PAMR1: variants seen among roughly 807,000 people sequenced by gnomAD.
PAMR1 encodes the protein peptidase domain containing associated with muscle regeneration 1.
PAMR1 carries 88 observed loss-of-function variants against 81.8 expected under a neutral mutation model. That is an observed-to-expected ratio of 1.08 (90% confidence interval 0.91 to 1.28). PAMR1 has a LOEUF of 1.28. Among genes scored for constraint, PAMR1 ranks in the 50% most tolerant of loss-of-function variants. The pLI, the probability that PAMR1 is intolerant of heterozygous loss-of-function variation, is 0.00. For synonymous variants in PAMR1, 336 were observed against 345.3 expected (o/e 0.97, Z 0.30); for missense variants, 935 against 919.7 (o/e 1.02, Z -0.21).
intron 6 of PAMR1, 148 bp from the exon 7 acceptor site, chr11:35,441,841 A>G (rs1453473109): frequency 6.2e-5 from 34 of 548,870 alleles, no homozygotes; most frequent in Non-Finnish European, 1.0e-4. Context: ...TCATAATAGA[A>G]AATTCATGTA....
At chr11:35,434,860 G>T in intron 9 of PAMR1, 56 bp from the exon 10 acceptor site, 1 of 1,540,948 alleles carries the variant, frequency 6.5e-7, no homozygotes. Context: ...ATCCAAAGGA[G>T]AATGTGTCAC....
At chr11:35,461,621 A>C (rs1565336188) in intron 6 of PAMR1, among the ~76,000 whole-genome samples, 3 of 151,964 alleles carry the variant, frequency 2.0e-5, no homozygotes, top group South Asian at 2.1e-4. Context: ...AAAAAAAAAA[A>C]CACACATACA....
chr11:35,474,670 A>C lies in PAMR1; in HGVS notation c.454T>G (p.Trp152Gly). Residue 152 changes from tryptophan to glycine, a missense_variant, in exon 4 of 11, where the codon TGG becomes GGG. Coordinates refer to ENST00000619888, the MANE Select transcript of PAMR1 (RefSeq NM_001001991.3). ...ESYPLNAHCE[W>G]TIHAKPGFVI... ...AACCCAGGTTTAGCATGAATGGTCC[A>C]TTCACAGTGAGCATTTAGGGGATAG... 6.2e-7 allele frequency: 1 copy of C among 1,610,652 alleles called. No homozygotes were observed.
chr11:35,455,039 C>T (rs983482809), intron 6 of PAMR1, among the ~76,000 whole-genome samples: 4 of 152,164 alleles, frequency 2.6e-5, no homozygotes, highest in Admixed American at 1.3e-4. Flanking sequence ...AGAATGACAG[C>T]GACTGCCTTT....
In PAMR1 at chr11:35,441,508, A is replaced by G. The variant is rs1211864147; in HGVS notation, c.1006T>C (p.Ser336Pro). ...TTTATGCAGATGGGCTGTTTCCCTG[A>G]CCACTCTCCATTCTGCTGGCAAGTT... Reference protein sequence around the residue: ...KRTCQQNGEWSGKQPICIKAC... With the variant: ...KRTCQQNGEWPGKQPICIKAC... Residue 336 changes from serine to proline, a missense_variant, in exon 7 of 11, where the codon TCA (serine) becomes CCA (proline). By Grantham distance (74) the Ser-to-Pro change is moderately conservative. Coordinates refer to ENST00000619888, the MANE Select transcript of PAMR1 (RefSeq NM_001001991.3). 6.2e-7 allele frequency: 1 copy of G among 1,613,000 alleles called. No homozygotes were observed.
At chr11:35,525,015 G>T (rs1033714378) in intron 1 of PAMR1, among the ~76,000 whole-genome samples, 1 of 152,064 alleles carries the variant, frequency 6.6e-6, no homozygotes, top group Non-Finnish European at 1.5e-5. Flanking sequence ...ACTCCGAAGG[G>T]GTATGGCTGT....
At chr11:35,449,443 C>A (rs974610745) in intron 6 of PAMR1, among the ~76,000 whole-genome samples, 1 of 152,202 alleles carries the variant, frequency 6.6e-6, no homozygotes, top group South Asian at 2.1e-4. Flanking sequence ...AAGGGAGGTG[C>A]CACCCAGTGA....
Position 35,470,828 on chromosome 11 carries a change from G to T in PAMR1, c.495-10C>A. ...GCTCAACATGACAAATCTGTGGGTG[G>T]ACAGGGTGACGGAGGGAAGCAGATG... On this transcript the variant is annotated splice_polypyrimidine_tract_variant and intron_variant, in intron 4 of 10. Coordinates refer to ENST00000619888, the MANE Select transcript of PAMR1 (RefSeq NM_001001991.3). The T allele has an allele frequency of 6.2e-7, 1 of 1,605,038 alleles. No homozygotes were observed. The highest frequency in any genetic ancestry group is 8.5e-7 in the Non-Finnish European group (1 of 1,172,012).
intron 1 of PAMR1, among the ~76,000 whole-genome samples, chr11:35,495,339 GAA>G (rs57201561): frequency 0.012 from 1,559 of 133,038 alleles, 28 homozygotes; most frequent in African/African-American, 0.04. Flanking sequence ...TTTCTCATAA[GAA>G]AAAAAAAAAA....
At chr11:35,497,047 A>T (rs974405782) in intron 1 of PAMR1, among the ~76,000 whole-genome samples, 1 of 152,150 alleles carries the variant, frequency 6.6e-6, no homozygotes, top group Non-Finnish European at 1.5e-5. Context: ...CACACCTGTA[A>T]TCCCAGCTAC....
At chr11:35,482,224 G>T (rs1036511826) in intron 3 of PAMR1, among the ~76,000 whole-genome samples, 7 of 152,178 alleles carry the variant, frequency 4.6e-5, no homozygotes, top group African/African-American at 1.7e-4. Context: ...AAGATGTAAG[G>T]AAGGGGTCCA....
rs1412504904 is a variant in PAMR1 at position 35,431,857 on chromosome 11, A to G, written c.*499T>C. ...TAGTTCAGAAGCCAACCCTTATTTT[A>G]TTAAAATGTGTACAAGAGATGGGGA... On this transcript the variant is annotated 3_prime_UTR_variant, in exon 11 of 11. Transcript: ENST00000619888. 1 of 155,650 alleles carries G rather than the reference A, an allele frequency of 6.4e-6. No individual in the cohort carries two copies. Among genetic ancestry groups the G allele is most frequent in the Non-Finnish European group, 1.4e-5 (1 of 70,428 alleles). 9.6% of individuals were successfully genotyped at this position (155,650 alleles called of 1,614,324 possible).
chr11:35,483,925 C>CAA (rs1187151612), intron 3 of PAMR1, among the ~76,000 whole-genome samples: 6 of 152,180 alleles, frequency 3.9e-5, no homozygotes, highest in Non-Finnish European at 7.3e-5. Context: ...CTGGTGAAGA[C>CAA]TACCTCCTTG....
At chr11:35,452,741 G>A (rs1856444182) in intron 6 of PAMR1, among the ~76,000 whole-genome samples, 1 of 152,110 alleles carries the variant, frequency 6.6e-6, no homozygotes. Context: ...GGTCTTCCCT[G>A]CCAAGTGTCT....
In PAMR1 at chr11:35,435,949, A is replaced by G. The variant is rs1438091534; in HGVS notation, c.1287T>C (p.Cys429=). The G allele has an allele frequency of 3.7e-6, 6 of 1,614,192 alleles. No homozygotes were observed. Among genetic ancestry groups the G allele is most frequent in the Non-Finnish European group, 5.1e-6 (6 of 1,180,032 alleles). The change falls in exon 9 of 11, where the codon TGT becomes TGC. Residue 429 remains cysteine (C), a synonymous_variant. Transcript: ENST00000619888. The stretch of plus-strand genomic sequence containing the variant: ...GCCCACTCCACTTCCCAGTCCTCAG[A>G]CATGTCCTCCTGCTGCTGCCCAGGC... ...YRRLGSSRRT[C]LRTGKWSGRA...
At chr11:35,449,109 T>C (rs1746920768) in intron 6 of PAMR1, among the ~76,000 whole-genome samples, 1 of 152,156 alleles carries the variant, frequency 6.6e-6, no homozygotes, top group South Asian at 2.1e-4. Flanking sequence ...TTCCACCCAG[T>C]CAGGAGGCAC....
intron 1 of PAMR1, among the ~76,000 whole-genome samples, chr11:35,504,874 T>C (rs1445469506): frequency 6.6e-6 from 1 of 150,818 alleles, no homozygotes; most frequent in Non-Finnish European, 1.5e-5. Flanking sequence ...ATTTCTGCTC[T>C]AATCTTTATA....
chr11:35,482,652 T>C (rs1033283513), intron 3 of PAMR1, among the ~76,000 whole-genome samples: 1 of 152,254 alleles, frequency 6.6e-6, no homozygotes, highest in African/African-American at 2.4e-5. Flanking sequence ...ACAATATTGA[T>C]TCTTCCTATC....
At position 35,470,632 on chromosome 11, in the gene PAMR1, G is replaced by A. The variant is rs146476025; in HGVS notation, c.681C>T (p.Asp227=). ...LFHSDGSKNF[D]GFHAIYEEIT... ...TCTCCTCATAAATGGCATGGAAACC[G>A]TCAAAATTCTTGGAGCCATCGGAGT... The change falls in exon 5 of 11, where the codon GAC becomes GAT. Residue 227 remains aspartate, a synonymous_variant. Coordinates refer to ENST00000619888, the MANE Select transcript of PAMR1 (RefSeq NM_001001991.3). 265 of 1,614,090 alleles carry A rather than the reference G, an allele frequency of 1.6e-4. No homozygotes were observed. The highest frequency in any genetic ancestry group is 2.7e-4 in the East Asian group (12 of 44,886).
Sources: allele counts gnomAD v4.1 joint callset (sites outside exome capture counted in the v4.1 genomes callset), GRCh38; gene constraint gnomAD v4.1.1; transcripts MANE v1.5; gene names NCBI Gene and HGNC (gene_info 2026-07-23, HGNC 2026-07-21).